MAP2K5: variants seen among roughly 807,000 people sequenced by gnomAD.
MAP2K5 encodes dual specificity mitogen-activated protein kinase kinase 5.
A neutral mutation model predicts 83.1 loss-of-function variants in MAP2K5; 49 were observed. The observed-to-expected ratio is 0.59, with a 90% confidence interval of 0.47 to 0.75. The LOEUF is 0.75. Ranked by LOEUF, MAP2K5 falls within the 30% of genes least tolerant of loss-of-function variation. MAP2K5 has a pLI of 0.00. For missense variants in MAP2K5, 457 were observed against 557.5 expected (o/e 0.82, Z 1.82); for synonymous variants, 202 against 191.8 (o/e 1.05, Z -0.44).
At chr15:67,602,178 C>A (rs191705239) in intron 8 of MAP2K5, among the ~76,000 whole-genome samples, 3 of 152,334 alleles carry the variant, frequency 2.0e-5, no homozygotes, top group East Asian at 3.9e-4. Context: ...GGTATCTTTT[C>A]ATCTTAGTCT....
intron 8 of MAP2K5, chr15:67,627,826 TA>T: frequency 2.2e-6 from 1 of 455,710 alleles, no homozygotes. Flanking sequence ...GAAACATCAT[TA>T]AAGTCTCTGT....
chr15:67,694,881 A>T (rs62016223), intron 15 of MAP2K5, among the ~76,000 whole-genome samples: 6 of 152,338 alleles, frequency 3.9e-5, no homozygotes, highest in South Asian at 2.1e-4. Context: ...AATGATAGAC[A>T]GGATTAAAAA....
intron 13 of MAP2K5, among the ~76,000 whole-genome samples, chr15:67,686,479 C>A (rs771867269): frequency 3.3e-5 from 5 of 151,588 alleles, no homozygotes; most frequent in Non-Finnish European, 7.4e-5. Flanking sequence ...TGGTGGCAGG[C>A]GCCTGTAATC....
At position 67,658,732 on chromosome 15, in the gene MAP2K5, CCTT is replaced by C. The variant is rs2087154406; in HGVS notation, c.798+122_798+124del. On this transcript the variant is annotated intron_variant, in intron 12 of 21. Coordinates refer to ENST00000178640, the MANE Select transcript of MAP2K5 (RefSeq NM_145160.3). ...CTTCAATCCCAGTTGGCTCCTAAGA[CCTT>C]CTTGATTTTCTCCTGTTTTGTTCTT... The C allele has an allele frequency of 3.5e-6, 3 of 850,670 alleles. No homozygotes were observed. The South Asian group carries it at 4.1e-5, about 12-fold the overall frequency. 52.7% of individuals were successfully genotyped at this position (850,670 alleles called of 1,614,324 possible). A position where few individuals can be genotyped will look rare whatever the true frequency, so the allele number is the denominator to read the frequency against.
chr15:67,710,497 G>GTT (rs10609519), intron 16 of MAP2K5, among the ~76,000 whole-genome samples: 7,885 of 81,048 alleles, frequency 0.097, 538 homozygotes, highest in Non-Finnish European at 0.13. Context: ...ATCTTCTGAA[G>GTT]TTTTTTTTTT....
chr15:67,805,145 T>C (rs2090777159), intron 21 of MAP2K5, among the ~76,000 whole-genome samples: 1 of 152,240 alleles, frequency 6.6e-6, no homozygotes, highest in Non-Finnish European at 1.5e-5. Flanking sequence ...TTGAGTGCCT[T>C]GGCATCTTCG....
In MAP2K5 at chr15:67,807,074, A is replaced by G; in HGVS notation, c.*324A>G. ...TTCTCTATAAAGGGTCAGGCCCGTC[A>G]GCATCACTGATGGGAATAAAAGTAT... On this transcript the variant is annotated 3_prime_UTR_variant, in exon 22 of 22. Transcript: ENST00000178640. The surrounding 1 kb of genome is among the most constrained non-coding windows in gnomAD (Gnocchi z 5.1). 3 of 785,710 alleles carry G rather than the reference A, an allele frequency of 3.8e-6. No individual in the cohort carries two copies. Among genetic ancestry groups the G allele is most frequent in the South Asian group, 1.8e-5 (1 of 55,516 alleles). 48.7% of individuals were successfully genotyped at this position (785,710 alleles called of 1,614,324 possible).
intron 8 of MAP2K5, among the ~76,000 whole-genome samples, chr15:67,625,834 C>G (rs1379313308): frequency 2.0e-5 from 3 of 152,178 alleles, no homozygotes; most frequent in Admixed American, 6.6e-5. Flanking sequence ...TATCAAGCCT[C>G]TCCTTTTAAT....
At chr15:67,727,601 A>G (rs2089126715) in intron 16 of MAP2K5, among the ~76,000 whole-genome samples, 1 of 152,226 alleles carries the variant, frequency 6.6e-6, no homozygotes, top group African/African-American at 2.4e-5. Context: ...CTCTGTCTAG[A>G]AGAAACTGTC....
intron 21 of MAP2K5, among the ~76,000 whole-genome samples, chr15:67,804,622 G>C (rs188478234): frequency 6.6e-6 from 1 of 152,178 alleles, no homozygotes; most frequent in Non-Finnish European, 1.5e-5. Context: ...CTGCAGTTCC[G>C]CTCTGCTTGT....
intron 7 of MAP2K5, among the ~76,000 whole-genome samples, chr15:67,596,317 G>A (rs1401096120): frequency 2.0e-5 from 3 of 152,074 alleles, no homozygotes; most frequent in Non-Finnish European, 4.4e-5. Context: ...AGGTGGCTGA[G>A]GCATAAGAAT....
intron 16 of MAP2K5, among the ~76,000 whole-genome samples, chr15:67,725,602 A>G (rs1456389323): frequency 6.6e-6 from 1 of 152,204 alleles, no homozygotes; most frequent in East Asian, 1.9e-4. Flanking sequence ...TGCCTGTGGA[A>G]GGTCTTGAGC....
intron 19 of MAP2K5, among the ~76,000 whole-genome samples, chr15:67,756,651 T>G (rs2089844061): frequency 2.0e-5 from 3 of 151,864 alleles, no homozygotes; most frequent in African/African-American, 7.3e-5. Context: ...ATTTATCTTA[T>G]AAAAGTAAGT....
At chr15:67,544,835 C>T (rs749526630) in intron 1 of MAP2K5, among the ~76,000 whole-genome samples, 1 of 152,166 alleles carries the variant, frequency 6.6e-6, no homozygotes, top group Non-Finnish European at 1.5e-5. Flanking sequence ...ACTGACTGCC[C>T]AGGCCATGCA....
At chr15:67,703,935 G>A (rs1282597019) in intron 16 of MAP2K5, among the ~76,000 whole-genome samples, 1 of 152,160 alleles carries the variant, frequency 6.6e-6, no homozygotes, top group Non-Finnish European at 1.5e-5. Flanking sequence ...TATCACATGT[G>A]TATGTGGGTT....
chr15:67,664,333 C>CAAAAAAA (rs11395465), intron 12 of MAP2K5, among the ~76,000 whole-genome samples: 3 of 74,070 alleles, frequency 4.1e-5, no homozygotes, highest in African/African-American at 5.4e-5. Flanking sequence ...CTGTTTCTAC[C>CAAAAAAA]AAAAAAAAAA....
rs2088613981 is a variant in MAP2K5, at chr15:67,708,520, G to C, written c.1044+5112G>C. Among the ~76,000 whole-genome samples, 1 of 151,882 alleles carries C rather than the reference G, an allele frequency of 6.6e-6. No individual in the cohort carries two copies. The highest frequency in any genetic ancestry group is 1.5e-5 in the Non-Finnish European group (1 of 67,948). ...TCCCACTTTTTTTTTCTAGAGACGT[G>C]GTCTTGATATGTTGCCCAGTGTTGC... On this transcript the variant is annotated intron_variant, in intron 16 of 21. Coordinates refer to ENST00000178640, the MANE Select transcript of MAP2K5 (RefSeq NM_145160.3). The surrounding 1 kb of genome is among the most constrained non-coding windows in gnomAD (Gnocchi z 4.9).
In MAP2K5 at chr15:67,768,607, G is replaced by T. The variant is rs537685635; in HGVS notation, c.1135-995G>T. Reference sequence around the variant, plus strand: ...AGGTGCATGTATCATACTTTGCAGGGCACTTTGTGTAGGGATGTCAGGGAG... The same window carrying T: ...AGGTGCATGTATCATACTTTGCAGGTCACTTTGTGTAGGGATGTCAGGGAG... On this transcript the variant is annotated intron_variant, in intron 19 of 21. Transcript: ENST00000178640. The surrounding 1 kb of genome is among the most constrained non-coding windows in gnomAD (Gnocchi z 4.0). Among the ~76,000 whole-genome samples the T allele has an allele frequency of 6.6e-6, 1 of 152,172 alleles. No homozygotes were observed. The highest frequency in any genetic ancestry group is 1.5e-5 in the Non-Finnish European group (1 of 68,026).
At position 67,552,442 on chromosome 15, in the gene MAP2K5, GT is replaced by G. The variant is rs2084530400; in HGVS notation, c.184+2362del. Among the ~76,000 whole-genome samples the G allele has an allele frequency of 6.6e-6, 1 of 151,952 alleles. No individual in the cohort carries two copies. The highest frequency in any genetic ancestry group is 2.1e-4 in the South Asian group (1 of 4,826). On this transcript the variant is annotated intron_variant, in intron 2 of 21. Transcript: ENST00000178640. This position sits in a 1 kb window ranked among gnomAD's most constrained non-coding sequence, Gnocchi z 4.2. Reference sequence around the variant, plus strand: ...ATCACAAGATCCCCACGAAGTACTCGTTATTTTTTTGAGACAGAGTATTGCT... The same window carrying G: ...ATCACAAGATCCCCACGAAGTACTCGTATTTTTTTGAGACAGAGTATTGCT...
Sources: gnomAD v4.1 joint callset for allele counts (sites outside exome capture counted in the v4.1 genomes callset) on GRCh38, gnomAD v4.1.1 for gene constraint, Gnocchi (gnomAD v3.1) non-coding constraint, MANE v1.5 for transcripts, NCBI Gene and HGNC (gene_info 2026-07-23, HGNC 2026-07-21) for gene names.